Variants in CLASP2 observed in about 807,000 individuals in gnomAD.
CLASP2 encodes CLIP-associating protein 2.
In CLASP2, 47 loss-of-function variants were observed where a neutral mutation model predicts 194.4. The observed-to-expected ratio is 0.24, with a 90% CI of 0.19 to 0.31. The LOEUF (loss-of-function observed/expected upper bound fraction) is 0.31, where lower values mean the gene tolerates loss of function less well. CLASP2 is among the 10% of genes least tolerant of loss of function. The pLI, the probability that CLASP2 is intolerant of heterozygous loss-of-function variation, is 1.00. For missense variants in CLASP2, 1,445 were observed against 1,823.6 expected (o/e 0.79, Z 3.78); for synonymous variants, 619 against 633.5 (o/e 0.98, Z 0.34).
intron 25 of CLASP2, among the ~76,000 whole-genome samples, chr3:33,572,316 CAT>C (rs1307600026): frequency 6.6e-6 from 1 of 152,134 alleles, no homozygotes; most frequent in Non-Finnish European, 1.5e-5. Context: ...TGATTCATGA[CAT>C]GTGATATGAA....
chr3:33,693,468 A>G lies in CLASP2; in HGVS notation c.274+3387T>C, dbSNP rs114717341. Among the ~76,000 whole-genome samples, 1,276 of 152,302 alleles carry G rather than the reference A, an allele frequency of 8.4e-3. 20 individuals are homozygous for G. Among genetic ancestry groups the G allele is most frequent in the African/African-American group, 0.028 (1,152 of 41,574 alleles). On this transcript the variant is annotated intron_variant, in intron 2 of 38. Coordinates refer to ENST00000682230, the MANE Select transcript of CLASP2 (RefSeq NM_001365631.1). ...GAAAGACTCCTAAAGAGATCTGGCT[A>G]AGTTCTGTAACACAGATAAAACCAA...
At chr3:33,688,216 T>C in intron 4 of CLASP2, 61 bp downstream of exon 4, 1 of 1,301,896 alleles carries the variant, frequency 7.7e-7, no homozygotes, top group Non-Finnish European at 1.0e-6. Flanking sequence ...CTTTGTGAAC[T>C]GAGGTTTTTT....
chr3:33,646,169 T>C (rs938925941), intron 7 of CLASP2, among the ~76,000 whole-genome samples: 2 of 151,796 alleles, frequency 1.3e-5, no homozygotes, highest in Non-Finnish European at 2.9e-5. Context: ...ATAATTCCTA[T>C]AAAGAGATAT....
At chr3:33,695,223 T>TTTTTTA (rs1393801712) in intron 2 of CLASP2, among the ~76,000 whole-genome samples, 1 of 138,980 alleles carries the variant, frequency 7.2e-6, no homozygotes, top group African/African-American at 2.7e-5. Context: ...CCTGCTAATT[T>TTTTTTA]TTTTTTTTTT....
intron 29 of CLASP2, among the ~76,000 whole-genome samples, chr3:33,555,368 T>A (rs924434281): frequency 1.5e-5 from 1 of 68,922 alleles, no homozygotes; most frequent in African/African-American, 6.6e-5. Context: ...ATATTCTGAT[T>A]TTTTTTTTTT....
At chr3:33,683,696 C>T (rs1049928716) in intron 6 of CLASP2, 5 of 152,152 alleles carry the variant, frequency 3.3e-5, no homozygotes, top group Admixed American at 2.0e-4. Context: ...AATCCCAGCA[C>T]TTTAGGGAGC....
chr3:33,516,654 G>T (rs2051399743), intron 35 of CLASP2, among the ~76,000 whole-genome samples: 1 of 151,968 alleles, frequency 6.6e-6, no homozygotes, highest in Non-Finnish European at 1.5e-5. Context: ...GCTTGAGAAT[G>T]AGTGAGATTA....
chr3:33,656,538 G>A lies in CLASP2; in HGVS notation c.715+6907C>T, dbSNP rs190191710. Among the ~76,000 whole-genome samples, 3 of 152,220 alleles carry A rather than the reference G, an allele frequency of 2.0e-5. No individual in the cohort carries two copies. In the East Asian group the frequency reaches 5.8e-4, roughly 29 times the overall value. ...GACACTACTGGTGGGAGTGTATGTGGTAAAGCCTCTTTTGGAGCAAATTAG... is the reference window on the plus strand; with the variant it reads ...GACACTACTGGTGGGAGTGTATGTGATAAAGCCTCTTTTGGAGCAAATTAG... On this transcript the variant is annotated intron_variant, in intron 7 of 38. Coordinates refer to ENST00000682230, the MANE Select transcript of CLASP2 (RefSeq NM_001365631.1).
intron 1 of CLASP2, among the ~76,000 whole-genome samples, chr3:33,717,005 G>A (rs138668644): frequency 6.6e-6 from 1 of 152,204 alleles, no homozygotes; most frequent in Admixed American, 6.5e-5. Flanking sequence ...ACGACTACGG[G>A]GCAAGTTAAA....
intron 7 of CLASP2, chr3:33,645,561 C>T: frequency 2.3e-6 from 1 of 433,454 alleles, no homozygotes; most frequent in Non-Finnish European, 4.1e-6. Flanking sequence ...TAAAAATTCT[C>T]CATGCATCTA....
At chr3:33,619,876 G>C (rs2076836572) in intron 11 of CLASP2, 138 bp from the exon 12 acceptor site, 1 of 654,332 alleles carries the variant, frequency 1.5e-6, no homozygotes, top group Non-Finnish European at 2.2e-6. Context: ...AAAAACAGAA[G>C]AAAGAAAGGG....
intron 14 of CLASP2, 51 bp downstream of exon 14, chr3:33,608,516 A>C: frequency 7.3e-7 from 1 of 1,376,152 alleles, no homozygotes; most frequent in Non-Finnish European, 1.0e-6. Context: ...ACTTCTAAAG[A>C]ACTGGTGACA....
chr3:33,663,121 T>A (rs972904948), intron 7 of CLASP2, among the ~76,000 whole-genome samples: 1 of 149,734 alleles, frequency 6.7e-6, no homozygotes, highest in Non-Finnish European at 1.5e-5. Context: ...AAAAACACAT[T>A]GTATGCATGG....
Position 33,573,952 on chromosome 3 carries a change from C to CAA in CLASP2, c.2455-599_2455-598insTT, listed in dbSNP as rs553096810. Among the ~76,000 whole-genome samples, 42 of 152,254 alleles carry CAA rather than the reference C, an allele frequency of 2.8e-4. No individual in the cohort carries two copies. In the South Asian group the frequency reaches 8.5e-3, roughly 31 times the overall value. On this transcript the variant is annotated intron_variant, in intron 24 of 38. Coordinates refer to ENST00000682230, the MANE Select transcript of CLASP2 (RefSeq NM_001365631.1). ...TCTACTATTATTTTAAGGAGGCGAA[C>CAA]TCCTTGAGAGCCCTCTATGCTTTTC...
chr3:33,619,577 A>G, intron 12 of CLASP2, 26 bp downstream of exon 12: 1 of 1,534,696 alleles, frequency 6.5e-7, no homozygotes, highest in Non-Finnish European at 8.8e-7. Context: ...AGGAGGCAGC[A>G]GTAGAAAACG....
At chr3:33,519,471 A>T (rs1420364648) in intron 34 of CLASP2, among the ~76,000 whole-genome samples, 3 of 152,196 alleles carry the variant, frequency 2.0e-5, no homozygotes, top group Non-Finnish European at 4.4e-5. Flanking sequence ...TCTTTTGCTA[A>T]ATTTTAGATT....
At chr3:33,693,675 T>G (rs2091583799) in intron 2 of CLASP2, among the ~76,000 whole-genome samples, 1 of 152,168 alleles carries the variant, frequency 6.6e-6, no homozygotes, top group Non-Finnish European at 1.5e-5. Context: ...AGGCATTCAA[T>G]TAATTGATAG....
At chr3:33,605,995 G>A (rs2073749378) in intron 16 of CLASP2, among the ~76,000 whole-genome samples, 1 of 152,096 alleles carries the variant, frequency 6.6e-6, no homozygotes, top group Non-Finnish European at 1.5e-5. Context: ...AGAGGGACAG[G>A]GCCAGTGCTA....
intron 6 of CLASP2, among the ~76,000 whole-genome samples, chr3:33,678,052 C>G (rs1204381195): frequency 1.3e-5 from 2 of 150,676 alleles, no homozygotes; most frequent in Non-Finnish European, 3.0e-5. Flanking sequence ...ATAGAATTCT[C>G]CAAAACTGAA....
Sources: gnomAD v4.1 joint callset for allele counts (sites outside exome capture counted in the v4.1 genomes callset) on GRCh38, gnomAD v4.1.1 for gene constraint, MANE v1.5 for transcripts, NCBI Gene and HGNC (gene_info 2026-07-23, HGNC 2026-07-21) for gene names.